The following PDE3B variants were observed in gnomAD, a reference collection of about 807,000 sequenced individuals.
The protein encoded by PDE3B is cGMP-inhibited 3',5'-cyclic phosphodiesterase 3B.
PDE3B carries 66 observed loss-of-function variants against 116.8 expected under a neutral mutation model. The ratio of observed to expected loss-of-function variants is 0.56; its 90% CI spans 0.46 to 0.69. The LOEUF (loss-of-function observed/expected upper bound fraction) is 0.69, where lower values mean the gene tolerates loss of function less well. PDE3B is among the 30% of genes least tolerant of loss of function. The probability of loss-of-function intolerance (pLI) is 0.00; values close to 1 mark genes in which losing one functional copy is unlikely to be tolerated. For synonymous variants in PDE3B, 595 were observed against 533.6 expected (o/e 1.12, Z -1.59); for missense variants, 1,384 against 1,368.1 (o/e 1.01, Z -0.18).
intron 2 of PDE3B, among the ~76,000 whole-genome samples, chr11:14,784,727 T>G (rs1755348662): frequency 6.6e-6 from 1 of 151,970 alleles, no homozygotes; most frequent in African/African-American, 2.4e-5. Flanking sequence ...AAGTAAAAAT[T>G]GACCATGAAA....
At chr11:14,781,887 T>G (rs146001219) in intron 2 of PDE3B, among the ~76,000 whole-genome samples, 1 of 152,166 alleles carries the variant, frequency 6.6e-6, no homozygotes, top group African/African-American at 2.4e-5. Context: ...TGTTTGCAGA[T>G]GACATGATTG....
At chr11:14,650,714 C>T (rs958037470) in intron 1 of PDE3B, among the ~76,000 whole-genome samples, 9 of 152,074 alleles carry the variant, frequency 5.9e-5, no homozygotes, top group Non-Finnish European at 1.3e-4. Flanking sequence ...ATGGCTTGAA[C>T]CCGGGAGGCG....
chr11:14,840,174 T>C (rs1007411987), intron 11 of PDE3B, among the ~76,000 whole-genome samples: 7 of 152,236 alleles, frequency 4.6e-5, no homozygotes, highest in Non-Finnish European at 8.8e-5. Flanking sequence ...CTTTTGCAGA[T>C]AGAGATCCCC....
chr11:14,714,294 T>A (rs1367208669), intron 1 of PDE3B, among the ~76,000 whole-genome samples: 1 of 152,170 alleles, frequency 6.6e-6, no homozygotes, highest in Non-Finnish European at 1.5e-5. Context: ...GTGAATATGA[T>A]GACATTCTTC....
chr11:14,801,811 T>C (rs1056203088), intron 4 of PDE3B, among the ~76,000 whole-genome samples: 7 of 152,182 alleles, frequency 4.6e-5, no homozygotes, highest in African/African-American at 1.7e-4. Context: ...GGCTGCTGCC[T>C]TTTTTTCAGA....
intron 12 of PDE3B, among the ~76,000 whole-genome samples, 175 bp downstream of exon 12, chr11:14,844,201 A>T (rs560821906): frequency 6.6e-6 from 1 of 152,376 alleles, no homozygotes; most frequent in African/African-American, 2.4e-5. Flanking sequence ...CTAGGAAATT[A>T]GGGGAAGAAT....
intron 4 of PDE3B, among the ~76,000 whole-genome samples, chr11:14,791,786 T>C (rs1347699384): frequency 6.6e-6 from 1 of 152,002 alleles, no homozygotes; most frequent in Non-Finnish European, 1.5e-5. Flanking sequence ...CCCCTCCCCT[T>C]CCCATGGGTA....
chr11:14,672,574 G>A (rs1336121777), intron 1 of PDE3B, among the ~76,000 whole-genome samples: 1 of 152,128 alleles, frequency 6.6e-6, no homozygotes, highest in African/African-American at 2.4e-5. Context: ...AGTGGCTCAA[G>A]TAAGAAAGAA....
intron 5 of PDE3B, among the ~76,000 whole-genome samples, chr11:14,805,942 A>G (rs1469340449): frequency 6.6e-6 from 1 of 152,274 alleles, no homozygotes; most frequent in Non-Finnish European, 1.5e-5. Flanking sequence ...CCACAATGAG[A>G]TAATATCTCA....
At chr11:14,764,224 T>C (rs140153772) in intron 1 of PDE3B, among the ~76,000 whole-genome samples, 5 of 152,244 alleles carry the variant, frequency 3.3e-5, no homozygotes, top group Non-Finnish European at 7.4e-5. Flanking sequence ...CAATGGTACA[T>C]AGGTAAGGAA....
chr11:14,826,425 A>G (rs1441889868), intron 7 of PDE3B, among the ~76,000 whole-genome samples: 1 of 152,132 alleles, frequency 6.6e-6, no homozygotes, highest in Non-Finnish European at 1.5e-5. Context: ...ACAATTAGAA[A>G]TGACAAAGGG....
chr11:14,678,557 A>G (rs1262726093), intron 1 of PDE3B, among the ~76,000 whole-genome samples: 1 of 152,146 alleles, frequency 6.6e-6, no homozygotes, highest in Non-Finnish European at 1.5e-5. Context: ...GTATTGCATC[A>G]TGATTTAAAT....
At chr11:14,840,709 A>G (rs1860194894) in intron 11 of PDE3B, among the ~76,000 whole-genome samples, 1 of 152,194 alleles carries the variant, frequency 6.6e-6, no homozygotes, top group South Asian at 2.1e-4. Context: ...TTGAAAGGTA[A>G]TAAGGTAAAT....
At chr11:14,728,558 C>A (rs1021438940) in intron 1 of PDE3B, among the ~76,000 whole-genome samples, 2 of 151,972 alleles carry the variant, frequency 1.3e-5, no homozygotes, top group African/African-American at 4.8e-5. Flanking sequence ...TATAATTTCC[C>A]TTTTACAGAT....
intron 1 of PDE3B, among the ~76,000 whole-genome samples, chr11:14,768,914 ACTTAT>A (rs1441970671): frequency 2.6e-5 from 4 of 151,562 alleles, no homozygotes; most frequent in Admixed American, 2.0e-4. Flanking sequence ...ATCTTCTATT[ACTTAT>A]GGAGAAAATT....
At chr11:14,840,756 T>C (rs1385023114) in intron 11 of PDE3B, among the ~76,000 whole-genome samples, 1 of 152,168 alleles carries the variant, frequency 6.6e-6, no homozygotes, top group African/African-American at 2.4e-5. Flanking sequence ...AATCAGTTGG[T>C]CAAGAAAGAG....
intron 1 of PDE3B, among the ~76,000 whole-genome samples, chr11:14,744,775 G>C (rs903766647): frequency 1.2e-4 from 18 of 152,012 alleles, no homozygotes; most frequent in Admixed American, 1.2e-3. Flanking sequence ...CTCAACTCTA[G>C]GAGAAAATTA....
At position 14,700,624 on chromosome 11, in the gene PDE3B, T is replaced by A. The variant is rs963631562; in HGVS notation, c.978+55571T>A. ...CTTAAATTTCAAATGTGTGTTTTCC[T>A]CTAAATGAAAATTTTCCCTTTTTCC... On this transcript the variant is annotated intron_variant, in intron 1 of 15. Transcript: ENST00000282096. 2.2e-4 allele frequency: 33 copies of A among 151,980 alleles called. 1 individual carries two copies. The highest frequency in any genetic ancestry group is 2.2e-3 in the Admixed American group (33 of 15,230). 9.4% of individuals were successfully genotyped at this position (151,980 alleles called of 1,614,324 possible). A position where few individuals can be genotyped will look rare whatever the true frequency, so the allele number is the denominator to read the frequency against.
intron 7 of PDE3B, among the ~76,000 whole-genome samples, chr11:14,820,179 C>G (rs1441512177): frequency 1.3e-5 from 2 of 150,510 alleles, no homozygotes; most frequent in Non-Finnish European, 2.9e-5. Context: ...AAGACTAATT[C>G]TTCACAAACT....
Sources: allele counts gnomAD v4.1 joint callset (sites outside exome capture counted in the v4.1 genomes callset), GRCh38; gene constraint gnomAD v4.1.1; transcripts MANE v1.5; gene names NCBI Gene and HGNC (gene_info 2026-07-23, HGNC 2026-07-21).